The following LIPI variants were observed in gnomAD, a reference collection of about 807,000 sequenced individuals.
LIPI encodes lipase I, also known as lipase member I.
A neutral mutation model predicts 50.6 loss-of-function variants in LIPI; 59 were observed. The ratio of observed to expected loss-of-function variants is 1.16; its 90% CI spans 0.94 to 1.45. The LOEUF (loss-of-function observed/expected upper bound fraction) is 1.45, where lower values mean the gene tolerates loss of function less well. Among genes scored for constraint, LIPI ranks in the 40% most tolerant of loss-of-function variants. The pLI is 0.00. For synonymous variants in LIPI, 203 were observed against 178.2 expected (o/e 1.14, Z -1.11); for missense variants, 586 against 536.3 (o/e 1.09, Z -0.92).
chr21:14,189,854 AT>A (rs1318174344), intron 1 of LIPI, among the ~76,000 whole-genome samples: 2 of 152,030 alleles, frequency 1.3e-5, no homozygotes, highest in Admixed American at 6.6e-5. Context: ...ATAAAGTAAT[AT>A]TTTCCCCATA....
At chr21:14,166,208 C>T (rs1359185713) in intron 5 of LIPI, among the ~76,000 whole-genome samples, 154 bp downstream of exon 5, 8 of 152,078 alleles carry the variant, frequency 5.3e-5, no homozygotes, top group Non-Finnish European at 1.0e-4. Context: ...TAAGCATGGT[C>T]AAATTAAACC....
chr21:14,160,049 T>C (rs1217917933), intron 7 of LIPI, among the ~76,000 whole-genome samples: 1 of 151,254 alleles, frequency 6.6e-6, no homozygotes, highest in Non-Finnish European at 1.5e-5. Flanking sequence ...AGACATCAGC[T>C]CTCCCCGAAT....
chr21:14,159,519 CA>C lies in LIPI; in HGVS notation c.1006+3899del, dbSNP rs747370097. Among the ~76,000 whole-genome samples the C allele has an allele frequency of 1.4e-4, 21 of 150,172 alleles. No homozygotes were observed. In the East Asian group the frequency reaches 2.3e-3, roughly 17 times the overall value. ...CTAACTCAATTTTATAGTGTATCTA[CA>C]AAAAAAACTATAAGTCACATCACAC... is the stretch of plus-strand genomic sequence containing the variant. On this transcript the variant is annotated intron_variant, in intron 7 of 9. Transcript: ENST00000681601.
intron 1 of LIPI, among the ~76,000 whole-genome samples, chr21:14,202,710 G>A (rs2020099268): frequency 6.6e-6 from 1 of 152,070 alleles, no homozygotes; most frequent in African/African-American, 2.4e-5. Flanking sequence ...TTAAATGTTA[G>A]ACCTAAAACC....
chr21:14,159,944 G>A (rs1481718188), intron 7 of LIPI, among the ~76,000 whole-genome samples: 1 of 151,346 alleles, frequency 6.6e-6, no homozygotes, highest in East Asian at 1.9e-4. Flanking sequence ...GGATCTGTAT[G>A]TTGAAAATTG....
intron 9 of LIPI, among the ~76,000 whole-genome samples, chr21:14,117,072 GAAC>G (rs1375802240): frequency 6.6e-6 from 1 of 152,082 alleles, no homozygotes; most frequent in East Asian, 1.9e-4. Flanking sequence ...ATCAAAGGAG[GAAC>G]TCCAGGATGA....
At chr21:14,182,352 A>C (rs1600909909) in intron 3 of LIPI, among the ~76,000 whole-genome samples, 1 of 151,996 alleles carries the variant, frequency 6.6e-6, no homozygotes, top group East Asian at 1.9e-4. Flanking sequence ...TTTCTCACAC[A>C]CTCTTAAGAA....
At chr21:14,110,296 CTT>C (rs1177414752) in intron 9 of LIPI, among the ~76,000 whole-genome samples, 2 of 151,268 alleles carry the variant, frequency 1.3e-5, no homozygotes, top group Admixed American at 1.3e-4. Context: ...TTAATATTCT[CTT>C]TTTTTTGCCA....
In LIPI at chr21:14,165,238, AT is replaced by A; in HGVS notation, c.885del (p.Lys295AsnfsTer17). The A allele has an allele frequency of 6.2e-7, 1 of 1,610,450 alleles. No homozygotes were observed. The highest frequency in any genetic ancestry group is 1.3e-5 in the African/African-American group (1 of 74,954). On this transcript the variant is annotated frameshift_variant, in exon 6 of 10. Transcript: ENST00000681601. LOFTEE classifies it high-confidence loss of function. ...TCTCTCTTACCCAGCCGAGGACATG[AT>A]TTTTCCTTAAAACAGTCACAGTCCA... is the stretch of plus-strand genomic sequence containing the variant. ...LCVDCDCFKE[K>X]SCPRLGYQAK...
At chr21:14,122,006 A>C (rs1419736633) in intron 9 of LIPI, among the ~76,000 whole-genome samples, 1 of 152,192 alleles carries the variant, frequency 6.6e-6, no homozygotes, top group Non-Finnish European at 1.5e-5. Flanking sequence ...TGTGGATTAA[A>C]TTTGCAAGTG....
chr21:14,125,076 C>T (rs8131402), intron 9 of LIPI, among the ~76,000 whole-genome samples: 3,392 of 150,854 alleles, frequency 0.022, 114 homozygotes, highest in African/African-American at 0.076. Context: ...CATTTTTAGA[C>T]ACTAAATGTT....
chr21:14,168,974 A>C (rs201104699), intron 4 of LIPI, among the ~76,000 whole-genome samples: 72,046 of 148,874 alleles, frequency 0.48, 17,900 homozygotes, highest in East Asian at 0.63. Flanking sequence ...ACCCATCTCA[A>C]GTGCAGAGAC....
At chr21:14,162,026 G>T (rs2018515527) in intron 7 of LIPI, among the ~76,000 whole-genome samples, 1 of 145,326 alleles carries the variant, frequency 6.9e-6, no homozygotes, top group Non-Finnish European at 1.5e-5. Context: ...ACCTTTAGTT[G>T]CTGAGTAGTA....
intron 9 of LIPI, among the ~76,000 whole-genome samples, chr21:14,116,942 A>G (rs1416827403): frequency 6.6e-6 from 1 of 152,146 alleles, no homozygotes; most frequent in Non-Finnish European, 1.5e-5. Context: ...TAATTTATCC[A>G]TCTCTGGCAA....
chr21:14,166,332 G>A (rs553176390), intron 5 of LIPI, 30 bp downstream of exon 5: 43 of 1,117,422 alleles, frequency 3.8e-5, no homozygotes, highest in Admixed American at 5.0e-5. Flanking sequence ...CGAATATTAT[G>A]TAGTTCATTC....
In LIPI at chr21:14,116,064, A is replaced by G. The variant is rs575832101; in HGVS notation, c.1296-6984T>C. ...CCTACCTGGGACACAAGAGAGACTC[A>G]TTTCACCTGATGAGGAGTCCTGGGG... On this transcript the variant is annotated intron_variant, in intron 9 of 9. Coordinates refer to ENST00000681601, the MANE Select transcript of LIPI (RefSeq NM_001302998.2). 5.3e-5 allele frequency among the ~76,000 whole-genome samples: 8 copies of G among 152,116 alleles called. No individual in the cohort carries two copies. In the South Asian group the frequency reaches 1.7e-3, roughly 32 times the overall value.
intron 1 of LIPI, among the ~76,000 whole-genome samples, chr21:14,197,381 G>A (rs918457591): frequency 1.3e-5 from 2 of 152,060 alleles, no homozygotes; most frequent in African/African-American, 4.8e-5. Flanking sequence ...ATGATAAAAT[G>A]TTGCAGGTGC....
At chr21:14,195,126 A>C (rs2019801088) in intron 1 of LIPI, among the ~76,000 whole-genome samples, 1 of 152,128 alleles carries the variant, frequency 6.6e-6, no homozygotes, top group African/African-American at 2.4e-5. Context: ...GAGAAACATC[A>C]GAGTCTGGGA....
chr21:14,174,116 C>T (rs2019012577), intron 4 of LIPI, among the ~76,000 whole-genome samples: 2 of 152,160 alleles, frequency 1.3e-5, no homozygotes, highest in Non-Finnish European at 2.9e-5. Context: ...TTTTCTCCAA[C>T]CTGCCACTGA....
Sources: gnomAD v4.1 joint callset for allele counts (sites outside exome capture counted in the v4.1 genomes callset) on GRCh38, gnomAD v4.1.1 for gene constraint, MANE v1.5 for transcripts, NCBI Gene and HGNC (gene_info 2026-07-23, HGNC 2026-07-21) for gene names.